ZNF444: variants seen among roughly 807,000 people sequenced by gnomAD.
ZNF444 encodes the protein zinc finger protein 444.
A neutral mutation model predicts 14.4 loss-of-function variants in ZNF444; 8 were observed. That is an observed-to-expected ratio of 0.56 (90% CI 0.33 to 1.00). The LOEUF (loss-of-function observed/expected upper bound fraction) is 1.00. Ranked by LOEUF, ZNF444 falls within the 50% of genes least tolerant of loss-of-function variation. The pLI is 0.03. For synonymous variants in ZNF444, 258 were observed against 235.9 expected (o/e 1.09, Z -0.86); for missense variants, 510 against 504.8 (o/e 1.01, Z -0.10).
chr19:56,148,593 C>G (rs573080373), intron 3 of ZNF444, among the ~76,000 whole-genome samples: 3 of 152,142 alleles, frequency 2.0e-5, no homozygotes, highest in Non-Finnish European at 4.4e-5. Context: ...ACACTCCCCC[C>G]TCTTATTGTC....
upstream of ZNF444, among the ~76,000 whole-genome samples, chr19:56,138,839 C>T (rs1019629786): frequency 2.5e-5 from 3 of 121,272 alleles, no homozygotes; most frequent in Non-Finnish European, 3.2e-5. Context: ...CTCTGTTGCC[C>T]GGACTGAAGT....
chr19:56,158,889 A>G (rs1052641293), intron 4 of ZNF444, among the ~76,000 whole-genome samples: 2 of 151,174 alleles, frequency 1.3e-5, no homozygotes, highest in African/African-American at 2.4e-5. Context: ...CCATCCCTCT[A>G]TCATTCTCCC....
intron 1 of ZNF444, among the ~76,000 whole-genome samples, chr19:56,133,410 A>G (rs2030535237): frequency 6.6e-6 from 1 of 152,058 alleles, no homozygotes; most frequent in Admixed American, 6.6e-5. Flanking sequence ...CTCATCTGTG[A>G]GAGAGACTCA....
At chr19:56,142,429 G>A (rs1228162759) in intron 1 of ZNF444, 2 of 152,170 alleles carry the variant, frequency 1.3e-5, no homozygotes, top group Non-Finnish European at 2.9e-5. Flanking sequence ...AACCAGGAGT[G>A]GTTTTGTCCC....
At chr19:56,141,953 G>A (rs1471430378) in intron 1 of ZNF444, among the ~76,000 whole-genome samples, 1 of 152,118 alleles carries the variant, frequency 6.6e-6, no homozygotes, top group Non-Finnish European at 1.5e-5. Context: ...CTTTCTCAGT[G>A]CGGAGCATCT....
chr19:56,148,269 G>A (rs78067023), intron 3 of ZNF444, among the ~76,000 whole-genome samples: 2,912 of 152,306 alleles, frequency 0.019, 95 homozygotes, highest in African/African-American at 0.064. Context: ...AGAGCAGCCA[G>A]TGCAAAGGCC....
At position 56,159,671 on chromosome 19, in the gene ZNF444, G is replaced by T. The variant is rs2032149281; in HGVS notation, c.454G>T (p.Ala152Ser). Residue 152 changes from alanine (A) to serine (S), a missense_variant, in exon 5 of 5, where the codon GCT becomes TCT. Coordinates refer to ENST00000337080, the MANE Select transcript of ZNF444 (RefSeq NM_018337.4). ...GGGGCCGGCGCCTGGGGACTCCCAG[G>T]CTGTGCGCCCCTACAAGCAGGAGCC... ...AEGPAPGDSQ[A>S]VRPYKQEPSS... The T allele has an allele frequency of 9.9e-6, 15 of 1,511,960 alleles. No individual in the cohort carries two copies. The highest frequency in any genetic ancestry group is 1.3e-5 in the Non-Finnish European group (15 of 1,134,882). The allele number at this position is 1,511,960 out of a possible 1,614,324, so 93.7% of individuals were successfully genotyped here.
chr19:56,148,721 C>CA (rs1480841789), intron 3 of ZNF444, among the ~76,000 whole-genome samples: 1 of 152,026 alleles, frequency 6.6e-6, no homozygotes, highest in African/African-American at 2.4e-5. Context: ...TGTAACAAAT[C>CA]ACAAACGCAG....
chr19:56,146,840 C>A, intron 2 of ZNF444, 50 bp from the exon 3 acceptor site: 3 of 1,290,576 alleles, frequency 2.3e-6, no homozygotes, highest in Middle Eastern at 2.9e-4. Context: ...GTCTGGGCAC[C>A]GCGGGCAGGG....
At chr19:56,135,420 G>A (rs1294498038) in intron 1 of ZNF444, among the ~76,000 whole-genome samples, 2 of 152,024 alleles carry the variant, frequency 1.3e-5, no homozygotes, top group African/African-American at 4.8e-5. Flanking sequence ...CATGCCAAGA[G>A]AAGCCTGGAG....
Position 56,160,626 on chromosome 19 carries a change from G to T in ZNF444, c.*425G>T. Reference sequence around the variant, plus strand: ...CAGGAGGAGCTCGGGCGCAGGCCAGGCCCCCTTGGTGAAGCAGAGGCTGAA... The same window carrying T: ...CAGGAGGAGCTCGGGCGCAGGCCAGTCCCCCTTGGTGAAGCAGAGGCTGAA... On this transcript the variant is annotated 3_prime_UTR_variant, in exon 5 of 5. Transcript: ENST00000337080. 5.6e-6 allele frequency: 1 copy of T among 179,724 alleles called. No homozygotes were observed. The highest frequency in any genetic ancestry group is 1.1e-5 in the Non-Finnish European group (1 of 86,984). The allele number at this position is 179,724 out of a possible 1,614,324, so 11.1% of individuals were successfully genotyped here.
rs180777075 is a variant in ZNF444 at position 56,146,791 on chromosome 19, A to T, written c.-22-99A>T. Reference sequence around the variant, plus strand: ...GAAAGAGCGAAACTCCGTCTCAAAAAATAAAAAGTAAAAAAAAAGAGCGTT... The same window carrying T: ...GAAAGAGCGAAACTCCGTCTCAAAATATAAAAAGTAAAAAAAAAGAGCGTT... On this transcript the variant is annotated intron_variant, in intron 2 of 4. Coordinates refer to ENST00000337080, the MANE Select transcript of ZNF444 (RefSeq NM_018337.4). 1.9e-4 allele frequency: 195 copies of T among 1,001,632 alleles called. No individual in the cohort carries two copies. The African/African-American group carries it at 2.7e-3, about 14-fold the overall frequency. The allele number at this position is 1,001,632 out of a possible 1,614,324, so 62.0% of individuals were successfully genotyped here. A position where few individuals can be genotyped will look rare whatever the true frequency, so the allele number is the denominator to read the frequency against.
Position 56,144,133 on chromosome 19 carries a change from A to T in ZNF444, c.-196-2114A>T, listed in dbSNP as rs1794364075. Among the ~76,000 whole-genome samples the T allele has an allele frequency of 6.6e-6, 1 of 152,070 alleles. No homozygotes were observed. The highest frequency in any genetic ancestry group is 1.5e-5 in the Non-Finnish European group (1 of 68,024). On this transcript the variant is annotated intron_variant, in intron 1 of 4. Transcript: ENST00000337080. This position sits in a 1 kb window ranked among gnomAD's most constrained non-coding sequence, Gnocchi z 4.0. ...AGACCAGCCTGGGCAATATAGTGAG[A>T]CCCTGTCTCTACAAAAAATATAAAA...
intron 4 of ZNF444, 47 bp from the exon 5 acceptor site, chr19:56,159,576 GC>G (rs1398591085): frequency 7.1e-7 from 1 of 1,405,606 alleles, no homozygotes. Flanking sequence ...TGCTGTCCTT[GC>G]CCCGCCCTCG....
chr19:56,141,132 A>G (rs1414823301), upstream of ZNF444: 3 of 151,498 alleles, frequency 2.0e-5, no homozygotes, highest in Non-Finnish European at 4.4e-5. Flanking sequence ...GCGAGGGCCA[A>G]TTGGCAGCCG....
upstream of ZNF444, among the ~76,000 whole-genome samples, chr19:56,138,730 A>C (rs2030667523): frequency 6.6e-6 from 1 of 150,446 alleles, no homozygotes; most frequent in Non-Finnish European, 1.5e-5. Context: ...GTACAATTTC[A>C]ATTTGGGAAG....
chr19:56,159,220 C>T (rs544668056), intron 4 of ZNF444, among the ~76,000 whole-genome samples: 3 of 151,694 alleles, frequency 2.0e-5, no homozygotes, highest in Admixed American at 1.3e-4. Flanking sequence ...ATCACCCATC[C>T]GTCCATCTAG....
intron 2 of ZNF444, 91 bp from the exon 3 acceptor site, chr19:56,146,793 TAAAAAG>T (rs2031213090): frequency 1.0e-6 from 1 of 1,004,556 alleles, no homozygotes; most frequent in East Asian, 3.4e-5. Flanking sequence ...TCTCAAAAAA[TAAAAAG>T]TAAAAAAAAA....
At chr19:56,158,630 C>G in intron 4 of ZNF444, 28 bp downstream of exon 4, 1 of 1,566,428 alleles carries the variant, frequency 6.4e-7, no homozygotes, top group Non-Finnish European at 8.7e-7. Context: ...CTGGTTCTCC[C>G]CGCCAGCCCC....
Sources: allele counts gnomAD v4.1 joint callset (sites outside exome capture counted in the v4.1 genomes callset), GRCh38; gene constraint gnomAD v4.1.1; non-coding constraint Gnocchi (gnomAD v3.1); transcripts MANE v1.5; gene names NCBI Gene and HGNC (gene_info 2026-07-23, HGNC 2026-07-21).